The following LYPD6B variants were observed in gnomAD, a reference collection of about 807,000 sequenced individuals.
LYPD6B encodes ly6/PLAUR domain-containing protein 6B.
Under a neutral mutation model 22.8 loss-of-function variants are expected in LYPD6B, and 17 were observed. The ratio of observed to expected loss-of-function variants is 0.75; its 90% confidence interval spans 0.51 to 1.12. LYPD6B has a LOEUF of 1.12. Among genes scored for constraint, LYPD6B ranks in the 50% most tolerant of loss-of-function variants. The pLI is 0.00. For missense variants in LYPD6B, 221 were observed against 258.3 expected (o/e 0.86, Z 0.99); for synonymous variants, 106 against 91.6 (o/e 1.16, Z -0.90).
intron 1 of LYPD6B, among the ~76,000 whole-genome samples, chr2:149,096,110 CAG>C (rs1225636921): frequency 2.6e-5 from 4 of 151,362 alleles, no homozygotes; most frequent in Admixed American, 2.0e-4. Context: ...TACCAGAAGA[CAG>C]AGAAGAGAGA....
chr2:149,120,361 G>GTGTGTGTATATA (rs796413041), intron 1 of LYPD6B, among the ~76,000 whole-genome samples: 1 of 38,758 alleles, frequency 2.6e-5, no homozygotes, highest in African/African-American at 1.8e-4. Context: ...GTGTGTGTGT[G>GTGTGTGTATATA]TATATATATA....
At position 149,215,034 on chromosome 2, in the gene LYPD6B, C is replaced by T. The variant is rs1694102845; in HGVS notation, c.*324C>T. ...GCCTTTAGCTGAAAGGATTTCTTGACCTCCTTGACTGCCTCAGAGGCTGCC... is the reference window on the plus strand; with the variant it reads ...GCCTTTAGCTGAAAGGATTTCTTGATCTCCTTGACTGCCTCAGAGGCTGCC... On this transcript the variant is annotated 3_prime_UTR_variant, in exon 7 of 7. Transcript: ENST00000409642. 1 of 297,366 alleles carries T rather than the reference C, an allele frequency of 3.4e-6. No individual in the cohort carries two copies. The allele number at this position is 297,366 out of a possible 1,614,324, so 18.4% of individuals were successfully genotyped here. A position where few individuals can be genotyped will look rare whatever the true frequency, so the allele number is the denominator to read the frequency against.
At chr2:149,102,514 A>G (rs1048622028) in intron 1 of LYPD6B, among the ~76,000 whole-genome samples, 12 of 152,216 alleles carry the variant, frequency 7.9e-5, no homozygotes, top group Non-Finnish European at 1.5e-4. Context: ...TGAGGAATCA[A>G]TTGGGGGATT....
At chr2:149,113,715 C>T (rs1054847166) in intron 1 of LYPD6B, among the ~76,000 whole-genome samples, 1 of 152,086 alleles carries the variant, frequency 6.6e-6, no homozygotes, top group Non-Finnish European at 1.5e-5. Flanking sequence ...GGGAATAAAA[C>T]CCAGATTTCA....
At chr2:149,085,011 A>G (rs1215804288) in intron 1 of LYPD6B, among the ~76,000 whole-genome samples, 1 of 152,236 alleles carries the variant, frequency 6.6e-6, no homozygotes. Context: ...GGGAGGCAAC[A>G]ACAGCAAAAA....
chr2:149,115,806 G>T lies in LYPD6B; in HGVS notation c.-66-15077G>T, dbSNP rs535534976. 2.0e-5 allele frequency among the ~76,000 whole-genome samples: 3 copies of T among 152,312 alleles called. No homozygotes were observed. In the East Asian group the frequency reaches 5.8e-4, roughly 29 times the overall value. The stretch of plus-strand genomic sequence containing the variant: ...CTTTCCAAGGTTTCGATTACCTACG[G>T]TCAGCCTCAGTCTGAAAATATTAAA... On this transcript the variant is annotated intron_variant, in intron 1 of 6. Transcript: ENST00000409642.
At chr2:149,103,508 AC>A (rs1022857824) in intron 1 of LYPD6B, among the ~76,000 whole-genome samples, 1 of 152,122 alleles carries the variant, frequency 6.6e-6, no homozygotes, top group Non-Finnish European at 1.5e-5. Flanking sequence ...CCTACAATAA[AC>A]TGTACATATT....
At chr2:149,135,719 CAAAAAAA>C (rs386391471) in intron 2 of LYPD6B, among the ~76,000 whole-genome samples, 3 of 32,248 alleles carry the variant, frequency 9.3e-5, no homozygotes, top group Non-Finnish European at 1.2e-4. Flanking sequence ...GACCATGTCT[CAAAAAAA>C]AAAAAAAAAA....
intron 1 of LYPD6B, among the ~76,000 whole-genome samples, chr2:149,048,655 T>C (rs932137376): frequency 5.9e-5 from 9 of 152,212 alleles, no homozygotes; most frequent in African/African-American, 2.2e-4. Context: ...AGTTTTCTCA[T>C]GGATTTGAGA....
intron 2 of LYPD6B, among the ~76,000 whole-genome samples, chr2:149,157,227 G>C (rs1689763610): frequency 6.6e-6 from 1 of 152,072 alleles, no homozygotes; most frequent in Admixed American, 6.5e-5. Flanking sequence ...TCCTGTTTTA[G>C]AGGCAAAGGA....
At chr2:149,043,349 G>C (rs1474775469) in intron 1 of LYPD6B, among the ~76,000 whole-genome samples, 3 of 152,090 alleles carry the variant, frequency 2.0e-5, no homozygotes, top group Non-Finnish European at 4.4e-5. Flanking sequence ...CAGATCAAAA[G>C]TCCAATTCCA....
At chr2:149,172,565 T>C (rs964281910) in intron 3 of LYPD6B, among the ~76,000 whole-genome samples, 1 of 152,044 alleles carries the variant, frequency 6.6e-6, no homozygotes, top group Non-Finnish European at 1.5e-5. Flanking sequence ...GACCTCCTAA[T>C]CAGAACTGGA....
chr2:149,092,887 T>A (rs530249680), intron 1 of LYPD6B, among the ~76,000 whole-genome samples: 1 of 152,318 alleles, frequency 6.6e-6, no homozygotes, highest in East Asian at 1.9e-4. Context: ...AAATACATTG[T>A]CTTATCTTCT....
chr2:149,191,620 CCAAATGA>C (rs1692494955), intron 3 of LYPD6B, among the ~76,000 whole-genome samples: 1 of 152,098 alleles, frequency 6.6e-6, no homozygotes, highest in Non-Finnish European at 1.5e-5. Context: ...TAGTCATTCT[CCAAATGA>C]AATAGTAAAT....
intron 1 of LYPD6B, among the ~76,000 whole-genome samples, chr2:149,103,424 G>T (rs1201783155): frequency 6.6e-6 from 1 of 152,118 alleles, no homozygotes; most frequent in Non-Finnish European, 1.5e-5. Flanking sequence ...CCAAAATTTA[G>T]GTTGGCAAAG....
chr2:149,185,570 G>A (rs1367091097), intron 3 of LYPD6B, among the ~76,000 whole-genome samples: 1 of 152,212 alleles, frequency 6.6e-6, no homozygotes, highest in Non-Finnish European at 1.5e-5. Context: ...TCAGTTTGGG[G>A]TTGGCAGAAA....
intron 3 of LYPD6B, among the ~76,000 whole-genome samples, chr2:149,175,724 T>A (rs1691245816): frequency 6.6e-6 from 1 of 150,822 alleles, no homozygotes; most frequent in Non-Finnish European, 1.5e-5. Flanking sequence ...TTTAATTTTT[T>A]TTTTTTTTTA....
intron 2 of LYPD6B, among the ~76,000 whole-genome samples, chr2:149,156,753 T>A (rs868063312): frequency 1.5e-4 from 23 of 152,174 alleles, no homozygotes; most frequent in Middle Eastern, 3.2e-3. Context: ...TACTAGGGAT[T>A]AGGACCTCAA....
intron 3 of LYPD6B, chr2:149,204,967 G>T (rs575408500): frequency 1.7e-4 from 50 of 298,950 alleles, no homozygotes; most frequent in African/African-American, 1.0e-3. Flanking sequence ...AGGGAATGGG[G>T]TGCAGCCAGG....
Sources: gnomAD v4.1 joint callset for allele counts (sites outside exome capture counted in the v4.1 genomes callset) on GRCh38, gnomAD v4.1.1 for gene constraint, MANE v1.5 for transcripts, NCBI Gene and HGNC (gene_info 2026-07-23, HGNC 2026-07-21) for gene names.